LDHA: variants seen among roughly 807,000 people sequenced by gnomAD.
The protein encoded by LDHA is lactate dehydrogenase A, also known as L-lactate dehydrogenase A chain.
Under a neutral mutation model 36.3 loss-of-function variants are expected in LDHA, and 10 were observed. That is an observed-to-expected ratio of 0.28 (90% CI 0.17 to 0.47). The LOEUF (loss-of-function observed/expected upper bound fraction) is 0.47. Ranked by LOEUF, LDHA falls within the 20% of genes least tolerant of loss-of-function variation. The pLI is 0.99. For missense variants in LDHA, 267 were observed against 405.8 expected, an observed-to-expected ratio of 0.66 and a Z score of 2.94; for synonymous variants, 110 against 136.7, an observed-to-expected ratio of 0.80 and a Z score of 1.36.
At chr11:18,404,831 T>C (rs942303759) in intron 6 of LDHA, among the ~76,000 whole-genome samples, 2 of 146,226 alleles carry the variant, frequency 1.4e-5, no homozygotes, top group African/African-American at 5.0e-5. Context: ...TCATAATCTT[T>C]AGTTCATAAC....
intron 1 of LDHA, 54 bp from the exon 2 acceptor site, chr11:18,396,765 G>A: frequency 6.7e-7 from 1 of 1,490,844 alleles, no homozygotes; most frequent in Non-Finnish European, 9.0e-7. Flanking sequence ...AAAATCTCTT[G>A]GTTAATAAAC....
chr11:18,394,603 C>T lies in LDHA; in HGVS notation c.-58C>T, dbSNP rs201875891. On this transcript the variant is annotated 5_prime_UTR_variant, in exon 1 of 8. The change creates a new upstream start codon in the 5' untranslated region. Transcript: ENST00000422447. ...CCGCCGATTCCGGATCTCATTGCCACGCGCCCCCGACGACCGCCCGACGTG... is the reference window on the plus strand; with the variant it reads ...CCGCCGATTCCGGATCTCATTGCCATGCGCCCCCGACGACCGCCCGACGTG... 8 of 454,018 alleles carry T rather than the reference C, an allele frequency of 1.8e-5. No individual in the cohort carries two copies. The highest frequency in any genetic ancestry group is 1.1e-4 in the South Asian group (7 of 64,478). 28.1% of individuals were successfully genotyped at this position (454,018 alleles called of 1,614,324 possible).
At chr11:18,406,035 G>A (rs917271282) in intron 7 of LDHA, among the ~76,000 whole-genome samples, 2 of 152,072 alleles carry the variant, frequency 1.3e-5, no homozygotes, top group African/African-American at 4.8e-5. Context: ...GGCCGATCTC[G>A]GCTCACCGCA....
At chr11:18,400,527 A>C in intron 3 of LDHA, 1 of 395,194 alleles carries the variant, frequency 2.5e-6, no homozygotes, top group Non-Finnish European at 4.9e-6. Context: ...TTAAGTAGAA[A>C]CAGGAGTATG....
At chr11:18,405,362 TA>T in intron 6 of LDHA, 86 bp from the exon 7 acceptor site, 1 of 1,340,704 alleles carries the variant, frequency 7.5e-7, no homozygotes, top group Non-Finnish European at 1.1e-6. Flanking sequence ...TTATTTACTG[TA>T]AAATGTGTAT....
Position 18,399,610 on chromosome 11 carries a change from C to T in LDHA, c.244+62C>T, listed in dbSNP as rs1866412374. ...GACTTAAATTCTTTTTCCAGATGGTCTCCATTTGTTGCTTAGGGTAGAGTG... is the reference window on the plus strand; with the variant it reads ...GACTTAAATTCTTTTTCCAGATGGTTTCCATTTGTTGCTTAGGGTAGAGTG... On this transcript the variant is annotated intron_variant, in intron 3 of 7. Coordinates refer to ENST00000422447, the MANE Select transcript of LDHA (RefSeq NM_005566.4). The T allele has an allele frequency of 4.0e-6, 5 of 1,256,476 alleles. No homozygotes were observed. In the Admixed American group the frequency reaches 8.4e-5, roughly 21 times the overall value. 77.8% of individuals were successfully genotyped at this position (1,256,476 alleles called of 1,614,324 possible).
At chr11:18,400,435 AC>A (rs1441127396) in intron 3 of LDHA, 1 of 2,230 alleles carries the variant, frequency 4.5e-4, no homozygotes, top group South Asian at 0.033. Context: ...ACCACCACAC[AC>A]ACACACACAC....
chr11:18,405,502 C>T lies in LDHA; in HGVS notation c.764C>T (p.Ser255Phe). 1.9e-6 allele frequency: 3 copies of T among 1,613,816 alleles called. No individual in the cohort carries two copies. Among genetic ancestry groups the T allele is most frequent in the Non-Finnish European group, 2.5e-6 (3 of 1,179,774 alleles). Residue 255 changes from serine (S) to phenylalanine (F), a missense_variant, in exon 7 of 8, where the codon TCT becomes TTT. By Grantham distance (155) the Ser-to-Phe change is radical. Coordinates refer to ENST00000422447, the MANE Select transcript of LDHA (RefSeq NM_005566.4). ...KGYTSWAIGL[S>F]VADLAESIMK... Reference sequence around the variant, plus strand: ...TACACATCCTGGGCTATTGGACTCTCTGTAGCAGATTTGGCAGAGAGTATA... The same window carrying T: ...TACACATCCTGGGCTATTGGACTCTTTGTAGCAGATTTGGCAGAGAGTATA...
intron 1 of LDHA, among the ~76,000 whole-genome samples, chr11:18,396,108 T>C (rs1027588032): frequency 6.6e-6 from 1 of 152,272 alleles, no homozygotes. Flanking sequence ...TAGCTCCAGA[T>C]TGCCTCTGCT....
At chr11:18,404,936 C>T (rs550228675) in intron 6 of LDHA, among the ~76,000 whole-genome samples, 5 of 151,964 alleles carry the variant, frequency 3.3e-5, no homozygotes, top group Admixed American at 6.6e-5. Context: ...GAAAGAAACA[C>T]AATATCTGTC....
At position 18,394,646 on chromosome 11, in the gene LDHA, G is replaced by A. The variant is rs758877938; in HGVS notation, c.-25+10G>A. On this transcript the variant is annotated intron_variant, in intron 1 of 7. Transcript: ENST00000422447. ...CCGACGTGCATTCCCGGTACGGTAG[G>A]GCCCTGCGCGCACGGCGCCAGAGGG... The A allele has an allele frequency of 8.8e-6, 4 of 453,890 alleles. No individual in the cohort carries two copies. The highest frequency in any genetic ancestry group is 1.6e-5 in the South Asian group (1 of 64,454). The allele number at this position is 453,890 out of a possible 1,614,324, so 28.1% of individuals were successfully genotyped here.
chr11:18,404,121 G>A (rs1866592264), intron 6 of LDHA, among the ~76,000 whole-genome samples: 1 of 135,058 alleles, frequency 7.4e-6, no homozygotes, highest in Non-Finnish European at 1.6e-5. Flanking sequence ...TAGTAGAGAT[G>A]GGGTTTCACC....
chr11:18,397,599 C>T (rs1866346097), intron 2 of LDHA, among the ~76,000 whole-genome samples: 1 of 152,062 alleles, frequency 6.6e-6, no homozygotes, highest in Non-Finnish European at 1.5e-5. Context: ...ATCACGAGGT[C>T]AGGAGATGGA....
Position 18,403,727 on chromosome 11 carries a change from T to C in LDHA, c.626T>C (p.Val209Ala). The C allele has an allele frequency of 6.2e-7, 1 of 1,608,406 alleles. No homozygotes were observed. The highest frequency in any genetic ancestry group is 1.1e-5 in the South Asian group (1 of 90,946). The change falls in exon 6 of 8, where the codon GTC (valine) becomes GCC (alanine). Residue 209 changes from valine (V) to alanine (A), a missense_variant. Coordinates refer to ENST00000422447, the MANE Select transcript of LDHA (RefSeq NM_005566.4). ...PVWSGMNVAG[V>A]SLKTLHPDLG... ...TGGAGTGGAATGAATGTTGCTGGTG[T>C]CTCTCTGAAGACTCTGCACCCAGAT...
chr11:18,404,424 A>G (rs1866603373), intron 6 of LDHA, among the ~76,000 whole-genome samples: 3 of 146,996 alleles, frequency 2.0e-5, no homozygotes, highest in Admixed American at 1.3e-4. Flanking sequence ...GTCTCAAAGG[A>G]AAAAAAAAAT....
At chr11:18,406,689 C>G in intron 7 of LDHA, 1 of 166,038 alleles carries the variant, frequency 6.0e-6, no homozygotes, top group South Asian at 1.6e-4. Context: ...GCACTCCAGC[C>G]TGGGCAACAA....
Position 18,403,722 on chromosome 11 carries a change from TG to T in LDHA, c.623del (p.Gly208ValfsTer4). On this transcript the variant is annotated frameshift_variant, in exon 6 of 8. Coordinates refer to ENST00000422447, the MANE Select transcript of LDHA (RefSeq NM_005566.4). LOFTEE classifies it high-confidence loss of function. ...VPVWSGMNVA[G>X]VSLKTLHPDL... ...CTGTATGGAGTGGAATGAATGTTGCTGGTGTCTCTCTGAAGACTCTGCACCC... is the reference window on the plus strand; with the variant it reads ...CTGTATGGAGTGGAATGAATGTTGCTGTGTCTCTCTGAAGACTCTGCACCC... The T allele has an allele frequency of 6.2e-7, 1 of 1,606,098 alleles. No individual in the cohort carries two copies. The highest frequency in any genetic ancestry group is 8.5e-7 in the Non-Finnish European group (1 of 1,172,724).
At chr11:18,396,724 A>G in intron 1 of LDHA, 95 bp from the exon 2 acceptor site, 4 of 1,389,390 alleles carry the variant, frequency 2.9e-6, no homozygotes, top group Non-Finnish European at 3.9e-6. Context: ...TATAGTGGCA[A>G]ATACCCCCAA....
At chr11:18,401,489 T>TA (rs1565037194) in intron 4 of LDHA, among the ~76,000 whole-genome samples, 1 of 123,100 alleles carries the variant, frequency 8.1e-6, no homozygotes, top group African/African-American at 2.9e-5. Context: ...TTTTTTTTTT[T>TA]TTTTTTGAGA....
Sources: allele counts gnomAD v4.1 joint callset (sites outside exome capture counted in the v4.1 genomes callset), GRCh38; gene constraint gnomAD v4.1.1; transcripts MANE v1.5; gene names NCBI Gene and HGNC (gene_info 2026-07-23, HGNC 2026-07-21).